Variants in RFC1 observed in about 807,000 individuals in gnomAD.
RFC1 encodes the protein A1 140 kDa subunit.
RFC1 carries 37 observed loss-of-function variants against 137.4 expected under a neutral mutation model. The ratio of observed to expected loss-of-function variants is 0.27; its 90% CI spans 0.21 to 0.35. The LOEUF (loss-of-function observed/expected upper bound fraction) is 0.35, where lower values mean the gene tolerates loss of function less well. Ranked by LOEUF, RFC1 falls within the 10% of genes least tolerant of loss-of-function variation. RFC1 has a pLI of 1.00. For missense variants in RFC1, 1,205 were observed against 1,358.5 expected, an observed-to-expected ratio of 0.89 and a Z score of 1.78; for synonymous variants, 429 against 455.7, an observed-to-expected ratio of 0.94 and a Z score of 0.75.
intron 1 of RFC1, among the ~76,000 whole-genome samples, chr4:39,360,432 A>G (rs1288743149): frequency 6.6e-6 from 1 of 152,138 alleles, no homozygotes; most frequent in Non-Finnish European, 1.5e-5. Flanking sequence ...GAACCCAGGC[A>G]GCAGCGGTTG....
chr4:39,366,233 G>A lies in RFC1; in HGVS notation c.3+6C>T. ...CCGAGCCGCACGGCCTCCCCCAGCG[G>A]CTCACCATCGCAGCCCCAGGATGAA... is the stretch of plus-strand genomic sequence containing the variant. On this transcript the variant is annotated splice_donor_region_variant and intron_variant, in intron 1 of 24. Coordinates refer to ENST00000349703, the MANE Select transcript of RFC1 (RefSeq NM_002913.5). 1 of 1,551,122 alleles carries A rather than the reference G, an allele frequency of 6.4e-7. No homozygotes were observed. Among genetic ancestry groups the A allele is most frequent in the Admixed American group, 1.9e-5 (1 of 52,028 alleles).
intron 22 of RFC1, among the ~76,000 whole-genome samples, chr4:39,292,768 A>G (rs1264127494): frequency 1.3e-5 from 2 of 151,188 alleles, no homozygotes; most frequent in Non-Finnish European, 2.9e-5. Flanking sequence ...TAGCCTCCCA[A>G]GTAGCTGGGA....
At chr4:39,323,547 C>T (rs1739624540) in intron 6 of RFC1, 130 bp from the exon 7 acceptor site, 2 of 776,144 alleles carry the variant, frequency 2.6e-6, no homozygotes, top group Admixed American at 2.6e-5. Context: ...ATGACATTTT[C>T]CCACTCAACA....
chr4:39,302,683 T>C, intron 17 of RFC1, 54 bp downstream of exon 17: 1 of 1,519,774 alleles, frequency 6.6e-7, no homozygotes, highest in South Asian at 1.3e-5. Context: ...TTTTAAAAAT[T>C]GACCCTTAAA....
In RFC1 at chr4:39,295,236, A is replaced by T. The variant is rs529217639; in HGVS notation, c.2954+378T>A. ...TACTACTAGAGTAAATTGGTAAAAA[A>T]TAGTTCATTTCTTTAAATAGTTCAA... On this transcript the variant is annotated intron_variant, in intron 22 of 24. Transcript: ENST00000349703. Among the ~76,000 whole-genome samples, 8 of 152,350 alleles carry T rather than the reference A, an allele frequency of 5.3e-5. No individual in the cohort carries two copies. In the East Asian group the frequency reaches 1.5e-3, roughly 29 times the overall value.
Position 39,308,995 on chromosome 4 carries a change from T to G in RFC1, c.1526A>C (p.Lys509Thr). Reference sequence around the variant, plus strand: ...AATTTTTCTTTTTCCTTGGACATTTTTTTGGGGTGTTCTCTCCAGTTTGGA... The same window carrying G: ...AATTTTTCTTTTTCCTTGGACATTTGTTTGGGGTGTTCTCTCCAGTTTGGA... ...KESKLERTPQKNVQGKRKISP... is the reference protein window; with the variant it reads ...KESKLERTPQTNVQGKRKISP... Residue 509 changes from lysine to threonine, a missense_variant, in exon 13 of 25, where the codon AAA (lysine) becomes ACA (threonine). Coordinates refer to ENST00000349703, the MANE Select transcript of RFC1 (RefSeq NM_002913.5). 1 of 1,611,534 alleles carries G rather than the reference T, an allele frequency of 6.2e-7. No homozygotes were observed. Among genetic ancestry groups the G allele is most frequent in the Non-Finnish European group, 8.5e-7 (1 of 1,179,586 alleles).
chr4:39,327,863 G>T, intron 4 of RFC1, 107 bp from the exon 5 acceptor site: 1 of 852,424 alleles, frequency 1.2e-6, no homozygotes, highest in Non-Finnish European at 1.8e-6. Context: ...TAGACATGGT[G>T]GCTCATGCTT....
At chr4:39,330,830 G>T (rs1272544828) in intron 4 of RFC1, among the ~76,000 whole-genome samples, 1 of 152,042 alleles carries the variant, frequency 6.6e-6, no homozygotes, top group African/African-American at 2.4e-5. Flanking sequence ...TCCAAGGCCT[G>T]ATACAATTAA....
intron 4 of RFC1, among the ~76,000 whole-genome samples, chr4:39,329,747 A>T (rs909053688): frequency 1.3e-5 from 2 of 151,962 alleles, no homozygotes; most frequent in African/African-American, 2.4e-5. Flanking sequence ...AATACAATTG[A>T]AAATAGGCCA....
intron 4 of RFC1, among the ~76,000 whole-genome samples, chr4:39,331,797 C>T (rs1740114674): frequency 6.6e-6 from 1 of 152,126 alleles, no homozygotes; most frequent in South Asian, 2.1e-4. Context: ...TGAAAAGAAT[C>T]AATAAAACAT....
Position 39,321,357 on chromosome 4 carries a change from T to C in RFC1, c.738A>G (p.Glu246=), listed in dbSNP as rs1739513858. 6.2e-7 allele frequency: 1 copy of C among 1,613,666 alleles called. No individual in the cohort carries two copies. Among genetic ancestry groups the C allele is most frequent in the South Asian group, 1.1e-5 (1 of 90,994 alleles). ...PKTKKARKDT[E]AGETFSSVQA... ...GGACAGATGAAAACGTTTCTCCCGCTTCTGTGTCCTTTCGAGCCTAAACAA... is the reference window on the plus strand; with the variant it reads ...GGACAGATGAAAACGTTTCTCCCGCCTCTGTGTCCTTTCGAGCCTAAACAA... The change falls in exon 8 of 25, where the codon GAA becomes GAG. Residue 246 remains glutamate, a synonymous_variant. Coordinates refer to ENST00000349703, the MANE Select transcript of RFC1 (RefSeq NM_002913.5).
chr4:39,320,573 G>A lies in RFC1; in HGVS notation c.905C>T (p.Ser302Leu). The change falls in exon 9 of 25, where the codon TCA becomes TTA. Residue 302 changes from serine (S) to leucine (L), a missense_variant. This residue lies in a region of RFC1 where 962 missense variants were observed against 1,035.3 expected (regional missense o/e 0.93). Transcript: ENST00000349703. ...SSKESQQHSK[S>L]SADKIGEVSS... is the part of the protein sequence containing the mutation. ...GACTTCTCCTATTTTGTCAGCTGAT[G>A]ACTTGGAATGTTGCTGAGATTCTTT... The A allele has an allele frequency of 1.2e-6, 2 of 1,613,636 alleles. No individual in the cohort carries two copies. The highest frequency in any genetic ancestry group is 1.7e-6 in the Non-Finnish European group (2 of 1,179,888).
intron 7 of RFC1, chr4:39,322,478 A>G (rs1236928866): frequency 6.6e-6 from 1 of 152,270 alleles, no homozygotes; most frequent in Non-Finnish European, 1.5e-5. Context: ...TAGATCTTAG[A>G]GTTAACTAAT....
At chr4:39,360,460 C>G (rs1021499696) in intron 1 of RFC1, among the ~76,000 whole-genome samples, 1 of 151,602 alleles carries the variant, frequency 6.6e-6, no homozygotes, top group Non-Finnish European at 1.5e-5. Flanking sequence ...GCCAAGGTCG[C>G]GCCACTGCAC....
In RFC1 at chr4:39,291,795, T is replaced by G. The variant is rs1207292680; in HGVS notation, c.3012A>C (p.Ala1004=). Residue 1004 remains alanine, a synonymous_variant, in exon 23 of 25, where the codon GCA becomes GCC. Transcript: ENST00000349703. ...CTTGTGAGGTCAAGGGCTGTACAAG[T>G]GCATCCCTTAGAAGCGACAGATAAT... is the stretch of plus-strand genomic sequence containing the variant. The part of the protein sequence containing the change: ...NMDYLSLLRD[A]LVQPLTSQGV... The G allele has an allele frequency of 1.2e-6, 2 of 1,614,028 alleles. No homozygotes were observed. Among genetic ancestry groups the G allele is most frequent in the Non-Finnish European group, 1.7e-6 (2 of 1,179,998 alleles).
Position 39,308,976 on chromosome 4 carries a change from T to G in RFC1, c.1545A>C (p.Arg515Ser). 1 of 1,612,498 alleles carries G rather than the reference T, an allele frequency of 6.2e-7. No homozygotes were observed. The highest frequency in any genetic ancestry group is 8.5e-7 in the Non-Finnish European group (1 of 1,179,780). ...RTPQKNVQGK[R>S]KISPSKKESE... The stretch of plus-strand genomic sequence containing the variant: ...ATTCCTTTTTAGATGGACTAATTTT[T>G]CTTTTTCCTTGGACATTTTTTTGGG... The change falls in exon 13 of 25, where the codon AGA becomes AGC. Residue 515 changes from arginine to serine, a missense_variant. By Grantham distance (110) the Arg-to-Ser change is moderately radical. Around this residue, in one of 3 missense-constraint regions of RFC1, gnomAD observed 962 missense variants for 1,035.3 expected, o/e 0.93. Coordinates refer to ENST00000349703, the MANE Select transcript of RFC1 (RefSeq NM_002913.5).
intron 1 of RFC1, among the ~76,000 whole-genome samples, chr4:39,354,653 C>A (rs1741368610): frequency 6.7e-6 from 1 of 148,464 alleles, no homozygotes; most frequent in South Asian, 2.1e-4. Context: ...CACTGTGGTG[C>A]ACACCTACAG....
At chr4:39,321,261 A>G (rs1739505996) in intron 8 of RFC1, 26 bp downstream of exon 8, 1 of 1,543,552 alleles carries the variant, frequency 6.5e-7, no homozygotes, top group Admixed American at 1.7e-5. Context: ...CAAGTGCTCC[A>G]TCTTACTTTT....
At chr4:39,290,061 A>G in intron 23 of RFC1, 22 bp from the exon 24 acceptor site, 1 of 1,555,546 alleles carries the variant, frequency 6.4e-7, no homozygotes, top group Non-Finnish European at 8.8e-7. Flanking sequence ...GAGTAGATGG[A>G]GTTTTTAAAA....
Sources: allele counts gnomAD v4.1 joint callset (sites outside exome capture counted in the v4.1 genomes callset), GRCh38; gene constraint gnomAD v4.1.1; regional missense constraint gnomAD v4.1.1; transcripts MANE v1.5; gene names NCBI Gene and HGNC (gene_info 2026-07-23, HGNC 2026-07-21).